The following ANK1 variants were observed in gnomAD, a reference collection of about 807,000 sequenced individuals.
ANK1 encodes the protein ankyrin-1.
ANK1 carries 51 observed loss-of-function variants against 210.4 expected under a neutral mutation model. The ratio of observed to expected loss-of-function variants is 0.24; its 90% confidence interval spans 0.19 to 0.31. The LOEUF is 0.31. ANK1 is among the 10% of genes least tolerant of loss of function. The pLI is 1.00. For synonymous variants in ANK1, 967 were observed against 1,025.9 expected (o/e 0.94, Z 1.10); for missense variants, 2,051 against 2,504.4 (o/e 0.82, Z 3.86).
chr8:41,693,286 A>G, intron 29 of ANK1, 85 bp from the exon 30 acceptor site: 1 of 1,234,268 alleles, frequency 8.1e-7, no homozygotes, highest in South Asian at 1.2e-5. Context: ...CGTGGTGTGC[A>G]AGGTGAGACT....
At chr8:41,708,345 A>G (rs1210376517) in intron 17 of ANK1, among the ~76,000 whole-genome samples, 2 of 152,106 alleles carry the variant, frequency 1.3e-5, no homozygotes, top group Admixed American at 6.5e-5. Flanking sequence ...TCACACACCT[A>G]TTGTTGCTGG....
intron 1 of ANK1, among the ~76,000 whole-genome samples, chr8:41,838,194 T>C (rs947919010): frequency 6.6e-6 from 1 of 152,226 alleles, no homozygotes; most frequent in African/African-American, 2.4e-5. Context: ...GTACTATTGT[T>C]ATCCTTTTTT....
At position 41,715,667 on chromosome 8, in the gene ANK1, C is replaced by A. The variant is rs749807561; in HGVS notation, c.1587G>T (p.Gln529His). ...GAGGCTGTACCTTGGTCATGCAGGC[C>A]TGGGATGCTTCCTTTTCCAGAAGGG... is the stretch of plus-strand genomic sequence containing the variant. ...VLALLEKEAS[Q>H]ACMTKKGFTP... Residue 529 changes from glutamine to histidine, a missense_variant, in exon 14 of 43, where the codon CAG becomes CAT. By Grantham distance (24) the Gln-to-His change is conservative (BLOSUM62 0). Around this residue, in one of 6 missense-constraint regions of ANK1, gnomAD observed 1,413 missense variants for 1,707.4 expected, o/e 0.83. Coordinates refer to ENST00000289734, the MANE Select transcript of ANK1 (RefSeq NM_000037.4). 6.2e-7 allele frequency: 1 copy of A among 1,613,488 alleles called. No individual in the cohort carries two copies.
At chr8:41,745,374 G>C (rs1004745409) in intron 2 of ANK1, among the ~76,000 whole-genome samples, 2 of 152,162 alleles carry the variant, frequency 1.3e-5, no homozygotes, top group Admixed American at 1.3e-4. Context: ...GGGATGTGCC[G>C]AATCAGGTCA....
At chr8:41,781,101 C>A (rs746655299) in intron 1 of ANK1, among the ~76,000 whole-genome samples, 16 of 152,214 alleles carry the variant, frequency 1.1e-4, no homozygotes, top group Non-Finnish European at 1.9e-4. Flanking sequence ...TGGAAAGTCT[C>A]CCTCTCTGGA....
chr8:41,860,231 T>C (rs1187792620), intron 1 of ANK1, among the ~76,000 whole-genome samples: 2 of 152,202 alleles, frequency 1.3e-5, no homozygotes, highest in Non-Finnish European at 2.9e-5. Context: ...AGGCTAAGAA[T>C]AGCTCGAGAT....
At chr8:41,664,039 A>G (rs1397370976) in intron 39 of ANK1, 2 of 553,096 alleles carry the variant, frequency 3.6e-6, no homozygotes, top group East Asian at 4.3e-5. Context: ...AGTCTGACGG[A>G]GGAGGCCCTG....
intron 23 of ANK1, among the ~76,000 whole-genome samples, chr8:41,699,181 C>A (rs1463471408): frequency 2.0e-5 from 3 of 151,928 alleles, no homozygotes; most frequent in African/African-American, 7.3e-5. Context: ...ATGAGGGGAG[C>A]CTGGGAGAGG....
chr8:41,855,296 G>A (rs536375388), intron 1 of ANK1, among the ~76,000 whole-genome samples: 3 of 152,176 alleles, frequency 2.0e-5, no homozygotes, highest in Non-Finnish European at 2.9e-5. Flanking sequence ...CTAGAATTCC[G>A]GTGATCTCCA....
At chr8:41,820,385 A>G (rs867601374) in intron 1 of ANK1, among the ~76,000 whole-genome samples, 1 of 140,870 alleles carries the variant, frequency 7.1e-6, no homozygotes, top group African/African-American at 2.6e-5. Flanking sequence ...GTGTGTAGAC[A>G]TGGTCTCCCT....
At chr8:41,671,750 C>T (rs937621082) in intron 38 of ANK1, among the ~76,000 whole-genome samples, 5 of 145,482 alleles carry the variant, frequency 3.4e-5, no homozygotes, top group African/African-American at 1.3e-4. Context: ...CCTCCCAGTG[C>T]CCTAATGTCC....
intron 1 of ANK1, among the ~76,000 whole-genome samples, chr8:41,791,876 A>C (rs1847808154): frequency 6.6e-6 from 1 of 151,664 alleles, no homozygotes; most frequent in African/African-American, 2.4e-5. Context: ...CTTTCTCAGG[A>C]AGGAAAACCC....
chr8:41,668,684 A>C (rs1159956346), intron 38 of ANK1, 120 bp from the exon 39 acceptor site: 1 of 1,143,704 alleles, frequency 8.7e-7, no homozygotes, highest in African/African-American at 1.6e-5. Flanking sequence ...CATCAAGGAC[A>C]CAGACCGTCC....
In ANK1 at chr8:41,688,556, T is replaced by C. The variant is rs774233493; in HGVS notation, c.4138A>G (p.Thr1380Ala). 12 of 1,613,972 alleles carry C rather than the reference T, an allele frequency of 7.4e-6. No individual in the cohort carries two copies. Among genetic ancestry groups the C allele is most frequent in the Non-Finnish European group, 1.0e-5 (12 of 1,180,014 alleles). ...ATGCTGTATCGCAGGGCCAGGGGCG[T>C]CGGGGTCCTTCTCCTATCTTCGGCT... ...SGAEDRRRTP[T>A]PLALRYSILS... is the part of the protein sequence containing the mutation. The change falls in exon 34 of 43, where the codon ACG becomes GCG. Residue 1380 changes from threonine (T) to alanine (A), a missense_variant. Transcript: ENST00000289734.
At position 41,725,788 on chromosome 8, in the gene ANK1, G is replaced by A. The variant is rs867791777; in HGVS notation, c.585C>T (p.Asn195=). The A allele has an allele frequency of 3.7e-6, 6 of 1,611,290 alleles. No homozygotes were observed. The highest frequency in any genetic ancestry group is 2.2e-5 in the East Asian group (1 of 44,856). Residue 195 remains asparagine, a synonymous_variant, in exon 6 of 43, where the codon AAC becomes AAT. Coordinates refer to ENST00000289734, the MANE Select transcript of ANK1 (RefSeq NM_000037.4). Reference sequence around the variant, plus strand: ...TGGAAAGCACGTCCGGGTTGGGGTCGTTCTGCAGCAGCACCGCAGCCGTGC... The same window carrying A: ...TGGAAAGCACGTCCGGGTTGGGGTCATTCTGCAGCAGCACCGCAGCCGTGC... The part of the protein sequence containing the change: ...DTRTAAVLLQ[N]DPNPDVLSKT...
chr8:41,843,011 C>G (rs537862913), intron 1 of ANK1, among the ~76,000 whole-genome samples: 36 of 152,138 alleles, frequency 2.4e-4, no homozygotes, highest in Admixed American at 3.9e-4. Flanking sequence ...CCACACCCAG[C>G]TAATTTTTGT....
At chr8:41,763,873 C>CTTT (rs1427763122) in intron 1 of ANK1, among the ~76,000 whole-genome samples, 1 of 56,796 alleles carries the variant, frequency 1.8e-5, no homozygotes, top group Non-Finnish European at 3.7e-5. Flanking sequence ...TTTCTTCTTT[C>CTTT]TTTTTTTCTT....
intron 1 of ANK1, among the ~76,000 whole-genome samples, chr8:41,858,532 T>C (rs1364803251): frequency 2.0e-5 from 3 of 152,118 alleles, no homozygotes; most frequent in Non-Finnish European, 4.4e-5. Context: ...AAGACAGTGA[T>C]GACCTCGGGT....
At chr8:41,894,835 G>C (rs1388337272) in intron 1 of ANK1, among the ~76,000 whole-genome samples, 1 of 152,026 alleles carries the variant, frequency 6.6e-6, no homozygotes, top group Non-Finnish European at 1.5e-5. Flanking sequence ...GACCCCAGCA[G>C]AGGGACCTGC....
Sources: gnomAD v4.1 joint callset for allele counts (sites outside exome capture counted in the v4.1 genomes callset) on GRCh38, gnomAD v4.1.1 for gene constraint, gnomAD v4.1.1 regional missense constraint, MANE v1.5 for transcripts, NCBI Gene and HGNC (gene_info 2026-07-23, HGNC 2026-07-21) for gene names.